The following AGBL1 variants were observed in gnomAD, a reference collection of about 807,000 sequenced individuals.
The protein encoded by AGBL1 is AGBL carboxypeptidase 1.
In AGBL1, 130 loss-of-function variants were observed where a neutral mutation model predicts 118.9. The observed-to-expected ratio is 1.09, with a 90% CI of 0.95 to 1.26. The LOEUF (loss-of-function observed/expected upper bound fraction) is 1.26. Ranked by LOEUF, AGBL1 falls within the 50% of genes most tolerant of loss-of-function variation. The pLI is 0.00. For missense variants in AGBL1, 1,584 were observed against 1,298.1 expected, an observed-to-expected ratio of 1.22 and a Z score of -3.38; for synonymous variants, 555 against 478.9, an observed-to-expected ratio of 1.16 and a Z score of -2.08.
At chr15:86,827,293 A>G (rs575140435) in intron 22 of AGBL1, among the ~76,000 whole-genome samples, 31 of 14,444 alleles carry the variant, frequency 2.1e-3, no homozygotes, top group Middle Eastern at 0.029. Flanking sequence ...GTGTGTATGT[A>G]TATATATATG....
At position 86,578,587 on chromosome 15, in the gene AGBL1, C is replaced by A. The variant is rs560826807; in HGVS notation, c.2994+24050C>A. Among the ~76,000 whole-genome samples, 11 of 152,154 alleles carry A rather than the reference C, an allele frequency of 7.2e-5. No homozygotes were observed. In the South Asian group the frequency reaches 2.1e-3, roughly 29 times the overall value. On this transcript the variant is annotated intron_variant, in intron 21 of 22. Transcript: ENST00000614907. ...TGGAATGATATGGTTTGGCTGTATC[C>A]CCATGCATATCTCATGTTGAATTCC...
At chr15:86,677,775 A>C (rs147526852) in intron 22 of AGBL1, among the ~76,000 whole-genome samples, 1 of 152,208 alleles carries the variant, frequency 6.6e-6, no homozygotes, top group East Asian at 1.9e-4. Flanking sequence ...GGACAACACT[A>C]AAAGAATAAA....
chr15:86,837,399 C>T (rs1567199673), intron 22 of AGBL1, among the ~76,000 whole-genome samples: 1 of 152,156 alleles, frequency 6.6e-6, no homozygotes, highest in African/African-American at 2.4e-5. Flanking sequence ...CACCAAATTA[C>T]AGCCTCCAGG....
At chr15:86,472,250 A>G (rs2082488793) in intron 18 of AGBL1, among the ~76,000 whole-genome samples, 1 of 152,240 alleles carries the variant, frequency 6.6e-6, no homozygotes. Flanking sequence ...AGATGACTAG[A>G]GGATTCATAT....
chr15:86,468,668 T>C (rs190025282), intron 18 of AGBL1, among the ~76,000 whole-genome samples: 45 of 152,334 alleles, frequency 3.0e-4, no homozygotes, highest in African/African-American at 6.5e-4. Flanking sequence ...GCTCCTGTGC[T>C]TATTAAAATT....
chr15:86,767,907 A>G (rs1241093664), intron 22 of AGBL1, among the ~76,000 whole-genome samples: 2 of 152,016 alleles, frequency 1.3e-5, no homozygotes, highest in Non-Finnish European at 2.9e-5. Context: ...GAAAATTTGC[A>G]TAACTCAACC....
chr15:86,398,017 T>C (rs2081393450), intron 18 of AGBL1, among the ~76,000 whole-genome samples: 1 of 152,194 alleles, frequency 6.6e-6, no homozygotes, highest in Admixed American at 6.5e-5. Context: ...GTAAGACCAA[T>C]GCTTTTATTT....
rs777754604 is a variant in AGBL1, at chr15:86,247,818, G to A, written c.674G>A (p.Arg225Gln). The part of the protein sequence containing the change: ...LLCLRHIAAL[R>Q]SGREAFLAAQ... ...TGCCTCAGGCACATTGCTGCCCTCCGGTCCGGCAGGGAGGCCTTCCTGGCA... is the reference window on the plus strand; with the variant it reads ...TGCCTCAGGCACATTGCTGCCCTCCAGTCCGGCAGGGAGGCCTTCCTGGCA... The change falls in exon 7 of 23, where the codon CGG becomes CAG. Residue 225 changes from arginine to glutamine, a missense_variant. Physicochemically the swap from Arg to Gln is conservative, Grantham distance 43. Coordinates refer to ENST00000614907, the MANE Select transcript of AGBL1 (RefSeq NM_001386094.1). 21 of 1,613,838 alleles carry A rather than the reference G, an allele frequency of 1.3e-5. No individual in the cohort carries two copies. The East Asian group carries it at 1.8e-4, about 14-fold the overall frequency.
chr15:86,985,613 T>G (rs2081273320), intron 23 of AGBL1, among the ~76,000 whole-genome samples: 1 of 82,690 alleles, frequency 1.2e-5, no homozygotes, highest in African/African-American at 3.7e-5. Flanking sequence ...TTGTAAAAAT[T>G]TTTTGTTCCA....
At chr15:86,692,619 A>G (rs1239557534) in intron 22 of AGBL1, among the ~76,000 whole-genome samples, 1 of 151,904 alleles carries the variant, frequency 6.6e-6, no homozygotes, top group Admixed American at 6.6e-5. Context: ...ATTTTTTTTT[A>G]TTTCCATTGA....
intron 21 of AGBL1, among the ~76,000 whole-genome samples, chr15:86,598,970 A>G (rs2084450186): frequency 1.3e-5 from 2 of 152,074 alleles, no homozygotes; most frequent in Non-Finnish European, 2.9e-5. Context: ...TCTCAAGTGT[A>G]ATGGGAGAGT....
At chr15:86,873,090 A>T (rs1046716255) in intron 22 of AGBL1, among the ~76,000 whole-genome samples, 3 of 152,214 alleles carry the variant, frequency 2.0e-5, no homozygotes, top group Non-Finnish European at 4.4e-5. Flanking sequence ...TGGGAACTGA[A>T]GAAAAAAAGC....
chr15:86,492,136 T>C (rs936151440), intron 18 of AGBL1, among the ~76,000 whole-genome samples: 3 of 152,056 alleles, frequency 2.0e-5, no homozygotes, highest in Admixed American at 2.0e-4. Flanking sequence ...AGTGAAGCTA[T>C]GATGAAGATG....
At chr15:86,196,758 G>A (rs1374721117) in intron 5 of AGBL1, among the ~76,000 whole-genome samples, 3 of 152,066 alleles carry the variant, frequency 2.0e-5, no homozygotes, top group African/African-American at 7.2e-5. Context: ...AGTTAAGTGA[G>A]GTCATAAGGA....
At chr15:86,598,315 T>C (rs1567076963) in intron 21 of AGBL1, among the ~76,000 whole-genome samples, 1 of 152,144 alleles carries the variant, frequency 6.6e-6, no homozygotes, top group Non-Finnish European at 1.5e-5. Context: ...AAAATGACAA[T>C]TAATAGTTCA....
chr15:86,534,477 G>A (rs1042140926), intron 19 of AGBL1, among the ~76,000 whole-genome samples: 1 of 152,104 alleles, frequency 6.6e-6, no homozygotes, highest in Non-Finnish European at 1.5e-5. Context: ...TGTGCTTGGG[G>A]TTACTACACA....
At chr15:86,353,410 C>T (rs1368645110) in intron 17 of AGBL1, among the ~76,000 whole-genome samples, 1 of 152,196 alleles carries the variant, frequency 6.6e-6, no homozygotes, top group African/African-American at 2.4e-5. Context: ...TGGGCTGCCA[C>T]TGAGGTCAGC....
intron 22 of AGBL1, among the ~76,000 whole-genome samples, chr15:86,901,407 T>C (rs2080210279): frequency 6.6e-6 from 1 of 152,146 alleles, no homozygotes; most frequent in African/African-American, 2.4e-5. Context: ...CTTGATTTCA[T>C]GCCAAAATTG....
Position 86,660,961 on chromosome 15 carries a change from A to G in AGBL1, c.2995-13312A>G, listed in dbSNP as rs78540864. ...AAAAATGCTCAGAACTTGAATGCCT[A>G]CAGGAGCCAAGCAGGTAATGTAAAT... On this transcript the variant is annotated intron_variant, in intron 21 of 22. Transcript: ENST00000614907. Among the ~76,000 whole-genome samples the G allele has an allele frequency of 6.7e-3, 1,022 of 152,284 alleles. 9 individuals carry two copies. The highest frequency in any genetic ancestry group is 0.021 in the East Asian group (107 of 5,180).
Sources: allele counts gnomAD v4.1 joint callset (sites outside exome capture counted in the v4.1 genomes callset), GRCh38; gene constraint gnomAD v4.1.1; transcripts MANE v1.5; gene names NCBI Gene and HGNC (gene_info 2026-07-23, HGNC 2026-07-21).